Variants in STXBP6 observed in about 807,000 individuals in gnomAD.
STXBP6 encodes the protein syntaxin-binding protein 6.
STXBP6 carries 21 observed loss-of-function variants against 26.9 expected under a neutral mutation model. The observed-to-expected ratio is 0.78, with a 90% CI of 0.55 to 1.12. STXBP6 has a LOEUF of 1.12. Among genes scored for constraint, STXBP6 ranks in the 50% most tolerant of loss-of-function variants. The probability of loss-of-function intolerance (pLI) is 0.00; values close to 1 mark genes in which losing one functional copy is unlikely to be tolerated. For missense variants in STXBP6, 232 were observed against 257.9 expected, an observed-to-expected ratio of 0.90 and a Z score of 0.69; for synonymous variants, 97 against 92.6, an observed-to-expected ratio of 1.05 and a Z score of -0.27.
intron 2 of STXBP6, among the ~76,000 whole-genome samples, chr14:24,868,803 G>C (rs775525748): frequency 5.3e-5 from 8 of 152,198 alleles, no homozygotes; most frequent in Non-Finnish European, 1.0e-4. Context: ...AGTAAAAACA[G>C]AGAGAAAAGG....
chr14:24,884,942 GCATA>G (rs1566443607), intron 2 of STXBP6, among the ~76,000 whole-genome samples: 1 of 152,142 alleles, frequency 6.6e-6, no homozygotes, highest in African/African-American at 2.4e-5. Context: ...GCATAAGGAA[GCATA>G]CATTCCACAG....
chr14:24,923,092 T>C (rs1178563390), intron 2 of STXBP6, among the ~76,000 whole-genome samples: 3 of 152,150 alleles, frequency 2.0e-5, no homozygotes, highest in Admixed American at 2.0e-4. Flanking sequence ...CATGCATCTA[T>C]TTGTGACATT....
chr14:24,959,679 C>T (rs2073464725), intron 2 of STXBP6, among the ~76,000 whole-genome samples: 1 of 152,108 alleles, frequency 6.6e-6, no homozygotes, highest in African/African-American at 2.4e-5. Context: ...TCTATACAGT[C>T]CTTACATATA....
chr14:25,034,992 A>C (rs969260368), intron 1 of STXBP6, among the ~76,000 whole-genome samples: 16 of 152,042 alleles, frequency 1.1e-4, no homozygotes, highest in African/African-American at 3.4e-4. Context: ...CTCTACTACA[A>C]ATACAAAAAT....
intron 4 of STXBP6, among the ~76,000 whole-genome samples, chr14:24,842,655 A>G (rs1389955255): frequency 1.3e-5 from 2 of 150,954 alleles, no homozygotes; most frequent in Non-Finnish European, 2.9e-5. Flanking sequence ...GGTAATACTT[A>G]CTTTTCTCTT....
intron 1 of STXBP6, among the ~76,000 whole-genome samples, chr14:24,980,686 A>G (rs2074166603): frequency 6.6e-6 from 1 of 152,224 alleles, no homozygotes; most frequent in Non-Finnish European, 1.5e-5. Flanking sequence ...CCAAGAACCC[A>G]TATTTAAGGC....
intron 1 of STXBP6, among the ~76,000 whole-genome samples, chr14:25,016,769 A>T (rs1322922017): frequency 6.6e-6 from 1 of 152,194 alleles, no homozygotes; most frequent in Non-Finnish European, 1.5e-5. Context: ...ATAAAACTTT[A>T]AAAAAATAAA....
At chr14:24,935,229 A>T (rs755789204) in intron 2 of STXBP6, among the ~76,000 whole-genome samples, 8 of 152,206 alleles carry the variant, frequency 5.3e-5, no homozygotes, top group Non-Finnish European at 1.2e-4. Flanking sequence ...GCCACAGTTA[A>T]TCCTGCAGGG....
intron 2 of STXBP6, among the ~76,000 whole-genome samples, chr14:24,932,401 T>C (rs1210509066): frequency 6.6e-6 from 1 of 152,222 alleles, no homozygotes; most frequent in Non-Finnish European, 1.5e-5. Flanking sequence ...TACATGCCTA[T>C]GTTGGGCCAT....
At chr14:24,894,879 A>C (rs1328718627) in intron 2 of STXBP6, among the ~76,000 whole-genome samples, 7 of 83,912 alleles carry the variant, frequency 8.3e-5, no homozygotes, top group Admixed American at 7.6e-4. Context: ...TCTTCTCCTT[A>C]TTTCTCTCTC....
chr14:24,925,464 T>TA (rs1411891759), intron 2 of STXBP6, among the ~76,000 whole-genome samples: 1 of 152,186 alleles, frequency 6.6e-6, no homozygotes, highest in African/African-American at 2.4e-5. Flanking sequence ...GAGATAATGT[T>TA]ACAGCTACTC....
intron 5 of STXBP6, chr14:24,816,504 T>A (rs982468): frequency 0.063 from 9,518 of 152,004 alleles, 519 homozygotes; most frequent in East Asian, 0.19. Context: ...TGACACTCTC[T>A]CACTCTCATA....
intron 1 of STXBP6, among the ~76,000 whole-genome samples, chr14:25,013,675 T>C (rs1250777782): frequency 1.3e-5 from 2 of 149,380 alleles, no homozygotes; most frequent in Admixed American, 6.7e-5. Flanking sequence ...TTTAACTCCA[T>C]GAGATGGAAT....
chr14:24,882,378 C>A (rs1156949202), intron 2 of STXBP6, among the ~76,000 whole-genome samples: 1 of 26,830 alleles, frequency 3.7e-5, no homozygotes, highest in East Asian at 1.4e-3. Flanking sequence ...GACTCCGTCT[C>A]AAAAAAAAAA....
At chr14:24,910,811 G>C (rs1173142523) in intron 2 of STXBP6, among the ~76,000 whole-genome samples, 1 of 152,148 alleles carries the variant, frequency 6.6e-6, no homozygotes, top group Non-Finnish European at 1.5e-5. Context: ...GAAAATGTCA[G>C]AGAGTAAAAA....
At chr14:24,853,662 C>T (rs1323790760) in intron 4 of STXBP6, among the ~76,000 whole-genome samples, 4 of 152,080 alleles carry the variant, frequency 2.6e-5, no homozygotes, top group African/African-American at 7.2e-5. Flanking sequence ...GAGAGACACA[C>T]CTACAGTTAC....
intron 2 of STXBP6, among the ~76,000 whole-genome samples, chr14:24,935,629 A>G (rs2072567987): frequency 6.6e-6 from 1 of 152,180 alleles, no homozygotes; most frequent in African/African-American, 2.4e-5. Context: ...ATATAACAGT[A>G]TTTTCTAAAA....
chr14:25,046,921 A>G (rs1017527074), intron 1 of STXBP6, among the ~76,000 whole-genome samples: 8 of 152,208 alleles, frequency 5.3e-5, no homozygotes, highest in African/African-American at 1.9e-4. Flanking sequence ...GGTCTCAGCC[A>G]CTGCCAATGC....
intron 2 of STXBP6, among the ~76,000 whole-genome samples, chr14:24,858,530 A>G (rs854330): frequency 0.9 from 137,078 of 152,160 alleles, 62,772 homozygotes; most frequent in East Asian, 1. Flanking sequence ...CATACCAATT[A>G]CATTTACTTT....
Sources: gnomAD v4.1 joint callset for allele counts (sites outside exome capture counted in the v4.1 genomes callset) on GRCh38, gnomAD v4.1.1 for gene constraint, MANE v1.5 for transcripts, NCBI Gene and HGNC (gene_info 2026-07-23, HGNC 2026-07-21) for gene names.